The following SLC17A1 variants were observed in gnomAD, a reference collection of about 807,000 sequenced individuals.
SLC17A1 encodes sodium-dependent phosphate transport protein 1.
A neutral mutation model predicts 53.5 loss-of-function variants in SLC17A1; 51 were observed. The ratio of observed to expected loss-of-function variants is 0.95; its 90% CI spans 0.76 to 1.20. The LOEUF (loss-of-function observed/expected upper bound fraction) is 1.20. SLC17A1 is among the 50% of genes most tolerant of loss of function. The pLI is 0.00. For synonymous variants in SLC17A1, 179 were observed against 198.8 expected (o/e 0.90, Z 0.84); for missense variants, 538 against 568.2 (o/e 0.95, Z 0.54).
chr6:25,800,389 A>G (rs1763719845), intron 11 of SLC17A1, among the ~76,000 whole-genome samples: 1 of 152,084 alleles, frequency 6.6e-6, no homozygotes, highest in African/African-American at 2.4e-5. Context: ...CAGATGAGGC[A>G]TGCATTTAAA....
At chr6:25,725,937 C>A in the SLC17A1 span, among the ~76,000 whole-genome samples, 2 of 152,172 alleles carry the variant, frequency 1.3e-5, no homozygotes, top group East Asian at 3.8e-4. Context: ...GCCGATGGAA[C>A]GCTCCTTGAA....
At chr6:25,729,112 T>C in the SLC17A1 span, among the ~76,000 whole-genome samples, 1 of 152,200 alleles carries the variant, frequency 6.6e-6, no homozygotes, top group Non-Finnish European at 1.5e-5. Flanking sequence ...CTACCCTGAT[T>C]ACCCAAGGAC....
the SLC17A1 span, among the ~76,000 whole-genome samples, chr6:25,761,036 C>A: frequency 2.0e-5 from 3 of 152,146 alleles, no homozygotes; most frequent in African/African-American, 7.2e-5. Context: ...GCTTCATCTG[C>A]AGTAATTCTG....
chr6:25,807,317 A>C (rs1263755989), intron 10 of SLC17A1, among the ~76,000 whole-genome samples: 1 of 152,200 alleles, frequency 6.6e-6, no homozygotes, highest in Non-Finnish European at 1.5e-5. Context: ...TGTATAAAGA[A>C]AATGCGGTAT....
rs532511575 is a variant in SLC17A1, at chr6:25,798,833, T to C, written c.1356A>G (p.Thr452=). The part of the protein sequence containing the change: ...TGLIFYLIVA[T]AEIQDWAKEK... ...CTTTAGCCCAGTCCTGAATTTCTGC[T>C]GTAGCAACTATAAGGTAGAAAATTA... Residue 452 remains threonine, a synonymous_variant, in exon 12 of 13, where the codon ACA becomes ACG. Transcript: ENST00000244527. 6.2e-7 allele frequency: 1 copy of C among 1,610,806 alleles called. No homozygotes were observed. Among genetic ancestry groups the C allele is most frequent in the Non-Finnish European group, 8.5e-7 (1 of 1,177,832 alleles).
At chr6:25,777,121 A>C in the SLC17A1 span, 241 of 795,034 alleles carry the variant, frequency 3.0e-4, no homozygotes, top group Non-Finnish European at 4.2e-4. Context: ...GAAGAGACTC[A>C]AAGCTGGTGG....
the SLC17A1 span, among the ~76,000 whole-genome samples, chr6:25,746,478 G>A: frequency 6.6e-6 from 1 of 152,108 alleles, no homozygotes; most frequent in Non-Finnish European, 1.5e-5. Flanking sequence ...TAATAAACTG[G>A]GGGTAATGGG....
In SLC17A1 at chr6:25,813,149, G is replaced by A; in HGVS notation, c.681C>T (p.His227=). The change falls in exon 7 of 13, where the codon CAC becomes CAT. Residue 227 remains histidine (H), a synonymous_variant. Transcript: ENST00000244527. ...FVLFYDDPKD[H]PCISISEKEY... ...CCTTTTCACTGATGCTTATACATGG[G>A]TGGTCTTTGGGGTCATCATAAAACA... The A allele has an allele frequency of 6.2e-7, 1 of 1,614,130 alleles. No homozygotes were observed. Among genetic ancestry groups the A allele is most frequent in the Middle Eastern group, 1.6e-4 (1 of 6,062 alleles).
At chr6:25,752,724 G>C in the SLC17A1 span, among the ~76,000 whole-genome samples, 5 of 152,132 alleles carry the variant, frequency 3.3e-5, no homozygotes, top group African/African-American at 9.7e-5. Context: ...AGGCTGAGGT[G>C]GGCGGATCAC....
chr6:25,766,669 C>T, the SLC17A1 span, among the ~76,000 whole-genome samples: 8 of 152,142 alleles, frequency 5.3e-5, no homozygotes, highest in African/African-American at 1.9e-4. Flanking sequence ...CATGGCCTTC[C>T]TCTCAAAAAC....
intron 10 of SLC17A1, among the ~76,000 whole-genome samples, chr6:25,803,975 C>T (rs1322134974): frequency 6.6e-6 from 1 of 152,062 alleles, no homozygotes; most frequent in Non-Finnish European, 1.5e-5. Flanking sequence ...TATTGAAATT[C>T]AACTGTCTAA....
the SLC17A1 span, among the ~76,000 whole-genome samples, chr6:25,774,096 A>T: frequency 6.6e-6 from 1 of 152,226 alleles, no homozygotes; most frequent in African/African-American, 2.4e-5. Flanking sequence ...CATAAACAAC[A>T]TATGCTGAAA....
chr6:25,726,827 T>C, the SLC17A1 span: 1 of 1,483,858 alleles, frequency 6.7e-7, no homozygotes, highest in South Asian at 1.4e-5. Flanking sequence ...AGCTGTTTAA[T>C]ACTGAAGAGC....
chr6:25,726,941 T>TA, the SLC17A1 span: 88 of 1,613,794 alleles, frequency 5.5e-5, no homozygotes, highest in Non-Finnish European at 7.4e-5. Context: ...GTGCTACCAT[T>TA]TCCAAGAAGG....
chr6:25,744,829 T>A, the SLC17A1 span, among the ~76,000 whole-genome samples: 1 of 152,164 alleles, frequency 6.6e-6, no homozygotes, highest in South Asian at 2.1e-4. Flanking sequence ...ATCTTAATAA[T>A]GTAGATTAAA....
the SLC17A1 span, chr6:25,754,758 G>GGAGGA: frequency 1.3e-5 from 2 of 152,064 alleles, no homozygotes; most frequent in African/African-American, 4.8e-5. Flanking sequence ...AAGGAATGAG[G>GGAGGA]ATCCTGCACT....
At chr6:25,726,527 T>C in the SLC17A1 span, 7 of 1,603,270 alleles carry the variant, frequency 4.4e-6, no homozygotes, top group African/African-American at 5.4e-5. Flanking sequence ...CGTCCAGACA[T>C]CTCCTCGCAT....
downstream of SLC17A1, chr6:25,777,988 C>T: frequency 1.2e-5 from 19 of 1,612,746 alleles, no homozygotes; most frequent in Non-Finnish European, 1.5e-5. Context: ...GCCATCTCTC[C>T]TACTGCTGCT....
At chr6:25,770,445 G>A in the SLC17A1 span, 1 of 1,613,952 alleles carries the variant, frequency 6.2e-7, no homozygotes, top group Non-Finnish European at 8.5e-7. Context: ...CTGGAAAGGA[G>A]TCAACTCACC....
Sources: gnomAD v4.1 joint callset for allele counts (sites outside exome capture counted in the v4.1 genomes callset) on GRCh38, gnomAD v4.1.1 for gene constraint, MANE v1.5 for transcripts, NCBI Gene and HGNC (gene_info 2026-07-23, HGNC 2026-07-21) for gene names.